Variants in TRAPPC9 observed in about 807,000 individuals in gnomAD.
TRAPPC9 encodes the protein IKK2 binding protein.
TRAPPC9 carries 83 observed loss-of-function variants against 124.0 expected under a neutral mutation model. The observed-to-expected ratio is 0.67, with a 90% CI of 0.56 to 0.80. TRAPPC9 has a LOEUF of 0.80. Among genes scored for constraint, TRAPPC9 ranks in the 30% least tolerant of loss-of-function variants. The pLI is 0.00. For synonymous variants in TRAPPC9, 638 were observed against 617.5 expected, an observed-to-expected ratio of 1.03 and a Z score of -0.49; for missense variants, 1,302 against 1,508.3, an observed-to-expected ratio of 0.86 and a Z score of 2.27.
intron 10 of TRAPPC9, among the ~76,000 whole-genome samples, chr8:140,306,094 C>T (rs1451556536): frequency 1.3e-5 from 2 of 152,178 alleles, no homozygotes; most frequent in Admixed American, 1.3e-4. Context: ...TCATGACAGT[C>T]TTAGAGAAGG....
chr8:140,083,413 G>A (rs1020469803), intron 17 of TRAPPC9, among the ~76,000 whole-genome samples: 1 of 152,128 alleles, frequency 6.6e-6, no homozygotes, highest in Non-Finnish European at 1.5e-5. Context: ...ACATTGAGTG[G>A]AATGGGAAAA....
intron 19 of TRAPPC9, among the ~76,000 whole-genome samples, chr8:139,921,747 A>G (rs1283557422): frequency 6.6e-6 from 1 of 151,908 alleles, no homozygotes; most frequent in Admixed American, 6.6e-5. Flanking sequence ...GGGGAGGGAC[A>G]CAGCTGAGAG....
chr8:140,397,499 A>G, intron 7 of TRAPPC9, 121 bp downstream of exon 7: 1 of 1,124,400 alleles, frequency 8.9e-7, no homozygotes, highest in Non-Finnish European at 1.3e-6. Flanking sequence ...TCAAGTTAAG[A>G]TTCAACAGTT....
At chr8:140,088,861 G>A (rs907528786) in intron 17 of TRAPPC9, among the ~76,000 whole-genome samples, 4 of 152,166 alleles carry the variant, frequency 2.6e-5, no homozygotes, top group Non-Finnish European at 5.9e-5. Context: ...AGAGCAAGTA[G>A]AGTACGATCC....
intron 7 of TRAPPC9, among the ~76,000 whole-genome samples, chr8:140,376,604 C>T (rs61202224): frequency 0.072 from 10,387 of 143,708 alleles, 957 homozygotes; most frequent in African/African-American, 0.22. Flanking sequence ...GGCCAGGCAA[C>T]GTGGCTCATG....
At chr8:139,962,963 C>T (rs1388875377) in intron 19 of TRAPPC9, among the ~76,000 whole-genome samples, 5 of 152,220 alleles carry the variant, frequency 3.3e-5, no homozygotes, top group African/African-American at 1.2e-4. Flanking sequence ...ATACAGCTTA[C>T]TCCTCCATGT....
chr8:140,456,879 G>T, intron 1 of TRAPPC9: 1 of 980,656 alleles, frequency 1.0e-6, no homozygotes, highest in Non-Finnish European at 1.2e-6. Context: ...ATCCTAACAC[G>T]GGAAAACTTT....
chr8:140,158,495 C>T (rs1377182622), intron 17 of TRAPPC9, among the ~76,000 whole-genome samples: 1 of 152,184 alleles, frequency 6.6e-6, no homozygotes, highest in African/African-American at 2.4e-5. Flanking sequence ...GGAGTGAAGG[C>T]GTTTCACCTA....
intron 17 of TRAPPC9, among the ~76,000 whole-genome samples, chr8:140,196,733 C>A (rs2062679428): frequency 2.0e-5 from 3 of 151,228 alleles, no homozygotes; most frequent in South Asian, 4.2e-4. Flanking sequence ...CACTACACAG[C>A]TTGCACCTGT....
intron 20 of TRAPPC9, among the ~76,000 whole-genome samples, chr8:139,890,063 GAGCGCC>G (rs1830239486): frequency 6.6e-6 from 1 of 152,246 alleles, no homozygotes; most frequent in Non-Finnish European, 1.5e-5. Flanking sequence ...GGCCTGTTTT[GAGCGCC>G]AGCAGCAGCG....
At chr8:140,218,075 G>A (rs1376430550) in intron 17 of TRAPPC9, among the ~76,000 whole-genome samples, 1 of 151,332 alleles carries the variant, frequency 6.6e-6, no homozygotes, top group Non-Finnish European at 1.5e-5. Context: ...TCAGATAAAA[G>A]CGTGCCAATA....
At chr8:139,889,972 G>A (rs1830233617) in intron 20 of TRAPPC9, among the ~76,000 whole-genome samples, 1 of 152,254 alleles carries the variant, frequency 6.6e-6, no homozygotes. Context: ...TTCTAGGGGA[G>A]TAGGCACAGG....
chr8:140,276,732 G>T (rs2065135640), intron 14 of TRAPPC9, among the ~76,000 whole-genome samples: 1 of 152,078 alleles, frequency 6.6e-6, no homozygotes, highest in South Asian at 2.1e-4. Context: ...CATGTGACAG[G>T]TGAGGTTAAA....
At chr8:140,006,275 T>G (rs1445570800) in intron 18 of TRAPPC9, among the ~76,000 whole-genome samples, 1 of 152,190 alleles carries the variant, frequency 6.6e-6, no homozygotes, top group Non-Finnish European at 1.5e-5. Context: ...ATTAATAAAC[T>G]TTAAAAATAT....
chr8:139,920,726 A>G (rs1832453558), intron 19 of TRAPPC9, among the ~76,000 whole-genome samples: 1 of 152,240 alleles, frequency 6.6e-6, no homozygotes, highest in Admixed American at 6.5e-5. Context: ...AGCTGGAAAA[A>G]ATCTGCTACC....
chr8:139,831,431 G>A lies in TRAPPC9; in HGVS notation c.3055+54448C>T, dbSNP rs765118049. 8.5e-5 allele frequency among the ~76,000 whole-genome samples: 13 copies of A among 152,092 alleles called. 1 individual carries two copies. Among genetic ancestry groups the A allele is most frequent in the East Asian group, 1.9e-4 (1 of 5,192 alleles). On this transcript the variant is annotated intron_variant, in intron 21 of 22. Transcript: ENST00000438773. ...CAATTTATACACACACTCTTCCCAC[G>A]CACTCACATGCATGCAAGCACGCAC...
At chr8:140,407,300 T>A (rs2069528908) in intron 5 of TRAPPC9, among the ~76,000 whole-genome samples, 1 of 152,188 alleles carries the variant, frequency 6.6e-6, no homozygotes. Context: ...TTATAATACA[T>A]TTGTTTCTAG....
At chr8:140,407,158 A>G (rs990306973) in intron 5 of TRAPPC9, among the ~76,000 whole-genome samples, 1 of 152,194 alleles carries the variant, frequency 6.6e-6, no homozygotes. Flanking sequence ...GCAGGGGAGG[A>G]GACAAGATCC....
intron 17 of TRAPPC9, among the ~76,000 whole-genome samples, chr8:140,058,054 G>A (rs781136804): frequency 2.6e-5 from 4 of 152,184 alleles, no homozygotes; most frequent in African/African-American, 7.2e-5. Flanking sequence ...AAGTGCTCGC[G>A]AATGTGACAG....
Sources: allele counts gnomAD v4.1 joint callset (sites outside exome capture counted in the v4.1 genomes callset), GRCh38; gene constraint gnomAD v4.1.1; transcripts MANE v1.5; gene names NCBI Gene and HGNC (gene_info 2026-07-23, HGNC 2026-07-21).